Variants in ACBD6 observed in about 807,000 individuals in gnomAD.
The protein encoded by ACBD6 is acyl-CoA binding domain containing 6.
In ACBD6, 28 loss-of-function variants were observed where a neutral mutation model predicts 37.2. The ratio of observed to expected loss-of-function variants is 0.75; its 90% CI spans 0.56 to 1.03. The LOEUF is 1.03. Among genes scored for constraint, ACBD6 ranks in the 50% least tolerant of loss-of-function variants. The pLI is 0.00. For missense variants in ACBD6, 340 were observed against 337.4 expected (o/e 1.01, Z -0.06); for synonymous variants, 113 against 126.8 (o/e 0.89, Z 0.73).
At chr1:180,490,900 T>C (rs1479236252) in intron 3 of ACBD6, among the ~76,000 whole-genome samples, 4 of 149,322 alleles carry the variant, frequency 2.7e-5, no homozygotes, top group African/African-American at 9.9e-5. Flanking sequence ...GGAGGTTACG[T>C]TGAGCCAAGA....
intron 6 of ACBD6, among the ~76,000 whole-genome samples, chr1:180,327,527 T>C (rs1651301502): frequency 6.6e-6 from 1 of 152,234 alleles, no homozygotes; most frequent in Non-Finnish European, 1.5e-5. Context: ...TGCTCTTTTA[T>C]GTGTAGTTAT....
chr1:180,306,369 A>G (rs1650373718), intron 7 of ACBD6, among the ~76,000 whole-genome samples: 1 of 152,168 alleles, frequency 6.6e-6, no homozygotes, highest in Non-Finnish European at 1.5e-5. Context: ...AAATTTTCTT[A>G]AGGAAATTTA....
intron 7 of ACBD6, among the ~76,000 whole-genome samples, chr1:180,290,129 AGTGT>A (rs902308252): frequency 7.2e-5 from 11 of 152,112 alleles, no homozygotes; most frequent in African/African-American, 2.7e-4. Flanking sequence ...CACACAACAC[AGTGT>A]GTGGGTTTTT....
At chr1:180,343,954 TTTTTGGCATTTTCAAGTACCTGGAA>T (rs1652079708) in intron 6 of ACBD6, among the ~76,000 whole-genome samples, 1 of 4,892 alleles carries the variant, frequency 2.0e-4, no homozygotes, top group Non-Finnish European at 1.6e-3. Flanking sequence ...GCTTTCTTGA[TTTTTGGCATTTTCAAGTACCTGGAA>T]TAGGGCCCAG....
chr1:180,333,056 TTTTG>T (rs1651547665), intron 6 of ACBD6, among the ~76,000 whole-genome samples: 1 of 152,208 alleles, frequency 6.6e-6, no homozygotes, highest in Admixed American at 6.5e-5. Flanking sequence ...CTCAAAGAAC[TTTTG>T]TTTATGTGGT....
At chr1:180,439,937 T>A (rs1649212679) in intron 3 of ACBD6, among the ~76,000 whole-genome samples, 1 of 152,212 alleles carries the variant, frequency 6.6e-6, no homozygotes, top group Non-Finnish European at 1.5e-5. Flanking sequence ...AAAAAAAGTC[T>A]TTAAATTTAC....
chr1:180,423,823 T>C (rs1414483307), intron 4 of ACBD6, among the ~76,000 whole-genome samples: 1 of 152,186 alleles, frequency 6.6e-6, no homozygotes, highest in Non-Finnish European at 1.5e-5. Context: ...GGAAAATCAG[T>C]TGCCGTATCA....
chr1:180,348,962 A>G (rs563377932), intron 6 of ACBD6, among the ~76,000 whole-genome samples: 162 of 152,310 alleles, frequency 1.1e-3, no homozygotes, highest in African/African-American at 3.6e-3. Context: ...ATCATTAGGA[A>G]TCAAAAATAT....
At chr1:180,465,107 T>G (rs1207025246) in intron 3 of ACBD6, among the ~76,000 whole-genome samples, 1 of 152,016 alleles carries the variant, frequency 6.6e-6, no homozygotes, top group Non-Finnish European at 1.5e-5. Context: ...AATGCCATCC[T>G]GGACACAGCA....
At chr1:180,307,783 C>A (rs185263058) in intron 7 of ACBD6, among the ~76,000 whole-genome samples, 2 of 152,256 alleles carry the variant, frequency 1.3e-5, no homozygotes, top group African/African-American at 4.8e-5. Flanking sequence ...GGTAAAATCC[C>A]GTCTCTACTA....
chr1:180,495,393 T>C, intron 2 of ACBD6, 68 bp downstream of exon 2: 2 of 1,177,774 alleles, frequency 1.7e-6, no homozygotes, highest in Non-Finnish European at 2.5e-6. Flanking sequence ...ATCAGCTCAC[T>C]GCTTTCTAAT....
Position 180,502,505 on chromosome 1 carries a change from G to A in ACBD6, c.-239C>T. On this transcript the variant is annotated 5_prime_UTR_variant, in exon 1 of 8. Transcript: ENST00000367595. The stretch of plus-strand genomic sequence containing the variant: ...CTGCCCAGTCGACCCGGTCTCCTCC[G>A]GCTTCCCTCCGGCCAACAGCGCGCT... 3.6e-6 allele frequency: 2 copies of A among 561,288 alleles called. No homozygotes were observed. The highest frequency in any genetic ancestry group is 4.8e-4 in the Middle Eastern group (1 of 2,068). 34.8% of individuals were successfully genotyped at this position (561,288 alleles called of 1,614,324 possible). A position where few individuals can be genotyped will look rare whatever the true frequency, so the allele number is the denominator to read the frequency against.
At chr1:180,427,082 G>A (rs1158472127) in intron 4 of ACBD6, among the ~76,000 whole-genome samples, 1 of 152,182 alleles carries the variant, frequency 6.6e-6, no homozygotes. Context: ...TAGAAAGCAG[G>A]AAGCAAGCTC....
rs973362128 is a variant in ACBD6, at chr1:180,352,698, C to A, written c.664-37976G>T. Among the ~76,000 whole-genome samples, 6 of 152,158 alleles carry A rather than the reference C, an allele frequency of 3.9e-5. 1 individual carries two copies. The highest frequency in any genetic ancestry group is 3.9e-4 in the Admixed American group (6 of 15,274). On this transcript the variant is annotated intron_variant, in intron 6 of 7. Transcript: ENST00000367595. The stretch of plus-strand genomic sequence containing the variant: ...AGATGGAACAAGTGTGTGATATGTT[C>A]AAGGAAAGAAACTACATTAACTAGA...
intron 4 of ACBD6, among the ~76,000 whole-genome samples, chr1:180,417,337 C>A (rs781278875): frequency 2.0e-5 from 3 of 152,146 alleles, no homozygotes; most frequent in Non-Finnish European, 4.4e-5. Context: ...AGGCATTACA[C>A]CTCTCTCCTT....
intron 7 of ACBD6, among the ~76,000 whole-genome samples, chr1:180,301,183 T>A (rs1457515444): frequency 2.0e-5 from 3 of 152,178 alleles, no homozygotes; most frequent in Non-Finnish European, 2.9e-5. Context: ...AGGTTTAGAC[T>A]TTTTTGGTGT....
intron 6 of ACBD6, among the ~76,000 whole-genome samples, chr1:180,328,789 TA>T (rs779422927): frequency 6.6e-6 from 1 of 152,104 alleles, no homozygotes; most frequent in Non-Finnish European, 1.5e-5. Context: ...GACTCTATAA[TA>T]GATGATTAAT....
chr1:180,386,320 T>C (rs1653843908), intron 6 of ACBD6, among the ~76,000 whole-genome samples: 2 of 152,210 alleles, frequency 1.3e-5, no homozygotes, highest in African/African-American at 2.4e-5. Flanking sequence ...AGTGTACTTT[T>C]TCCTTCTAAC....
At chr1:180,288,181 G>A (rs1462956229), downstream of ACBD6, 4 of 766,324 alleles carry the variant, frequency 5.2e-6, no homozygotes, top group African/African-American at 7.0e-5. Context: ...CACCAAAACT[G>A]TACTGCCTAG....
Sources: allele counts gnomAD v4.1 joint callset (sites outside exome capture counted in the v4.1 genomes callset), GRCh38; gene constraint gnomAD v4.1.1; transcripts MANE v1.5; gene names NCBI Gene and HGNC (gene_info 2026-07-23, HGNC 2026-07-21).